PLPPR3: variants seen among roughly 807,000 people sequenced by gnomAD.
PLPPR3 encodes phospholipid phosphatase related 3.
PLPPR3 carries 14 observed loss-of-function variants against 27.3 expected under a neutral mutation model. The observed-to-expected ratio is 0.51, with a 90% CI of 0.34 to 0.80. PLPPR3 has a LOEUF of 0.80. PLPPR3 is among the 30% of genes least tolerant of loss of function. PLPPR3 has a pLI of 0.01. For missense variants in PLPPR3, 1,287 were observed against 1,056.9 expected, an observed-to-expected ratio of 1.22 and a Z score of -3.02; for synonymous variants, 671 against 508.0, an observed-to-expected ratio of 1.32 and a Z score of -4.32.
At position 813,011 on chromosome 19, in the gene PLPPR3, C is replaced by T. The variant is rs2034963024; in HGVS notation, c.1716G>A (p.Pro572=). The T allele has an allele frequency of 6.6e-7, 1 of 1,517,822 alleles. No individual in the cohort carries two copies. Among genetic ancestry groups the T allele is most frequent in the Admixed American group, 2.0e-5 (1 of 50,768 alleles). The allele number at this position is 1,517,822 out of a possible 1,614,324, so 94.0% of individuals were successfully genotyped here. ...CGATGCTGGCGGAGTCGCGGTCCGA[C>T]GGCGACCGGTACTGCGAGGAGTCGG... ...ASSDSSQYRS[P]SDRDSASIVT... The change falls in exon 8 of 8, where the codon CCG becomes CCA. Residue 572 remains proline, a synonymous_variant. Coordinates refer to ENST00000520876, the MANE Select transcript of PLPPR3 (RefSeq NM_001270366.2). The surrounding 1 kb of genome is among the most constrained non-coding windows in gnomAD (Gnocchi z 4.1).
Position 813,525 on chromosome 19 carries a change from G to A in PLPPR3, c.1202C>T (p.Ala401Val). Reference protein sequence around the residue: ...RHMTIHVPLDASRSKQLISEW... With the variant: ...RHMTIHVPLDVSRSKQLISEW... ...GCTGATGAGCTGCTTGGAGCGCGAG[G>A]CGTCCAGCGGCACGTGGATGGTCAT... The change falls in exon 8 of 8, where the codon GCC becomes GTC. Residue 401 changes from alanine (A) to valine (V), a missense_variant. By Grantham distance (64) the Ala-to-Val change is moderately conservative (BLOSUM62 0). Coordinates refer to ENST00000520876, the MANE Select transcript of PLPPR3 (RefSeq NM_001270366.2). This position sits in a 1 kb window ranked among gnomAD's most constrained non-coding sequence, Gnocchi z 4.1. The A allele has an allele frequency of 1.9e-6, 3 of 1,560,286 alleles. No homozygotes were observed. Among genetic ancestry groups the A allele is most frequent in the African/African-American group, 2.7e-5 (2 of 73,618 alleles).
rs1360737788 is a variant in PLPPR3, at chr19:813,155, C to G, written c.1572G>C (p.Glu524Asp). 1.3e-6 allele frequency: 2 copies of G among 1,524,246 alleles called. No homozygotes were observed. The highest frequency in any genetic ancestry group is 2.9e-5 in the African/African-American group (2 of 68,850). 94.4% of individuals were successfully genotyped at this position (1,524,246 alleles called of 1,614,324 possible). Residue 524 changes from glutamate (E) to aspartate (D), a missense_variant, in exon 8 of 8, where the codon GAG (glutamate) becomes GAC (aspartate). By Grantham distance (45) the Glu-to-Asp change is conservative. Transcript: ENST00000520876. This position sits in a 1 kb window ranked among gnomAD's most constrained non-coding sequence, Gnocchi z 4.1. ...GVRAKWLMMA[E>D]KSGAAVANPP... ...GGTTGGCCACTGCCGCCCCGCTCTT[C>G]TCGGCCATCATGAGCCACTTGGCGC...
Position 812,670 on chromosome 19 carries a change from A to G in PLPPR3, c.2057T>C (p.Leu686Pro). 2 of 1,052,366 alleles carry G rather than the reference A, an allele frequency of 1.9e-6. No individual in the cohort carries two copies. The highest frequency in any genetic ancestry group is 2.3e-6 in the Non-Finnish European group (2 of 872,606). The allele number at this position is 1,052,366 out of a possible 1,614,324, so 65.2% of individuals were successfully genotyped here. A position where few individuals can be genotyped will look rare whatever the true frequency, so the allele number is the denominator to read the frequency against. The stretch of plus-strand genomic sequence containing the variant: ...CCCCAGGCCGCCCGCGTGGCGCCGC[A>G]GCGTGGACTCCCGGCTGCCCGGGCC... ...ALGPGSREST[L>P]RRHAGGLGLA... is the part of the protein sequence containing the mutation. Residue 686 changes from leucine to proline, a missense_variant, in exon 8 of 8, where the codon CTG (leucine) becomes CCG (proline). By Grantham distance (98) the Leu-to-Pro change is moderately conservative (BLOSUM62 -3). Transcript: ENST00000520876.
chr19:818,133 A>G (rs2035089952), intron 2 of PLPPR3, among the ~76,000 whole-genome samples: 2 of 152,192 alleles, frequency 1.3e-5, no homozygotes, highest in Non-Finnish European at 2.9e-5. Context: ...CTGTCATCCC[A>G]GCACTTTGGG....
At chr19:822,889 G>C (rs2035169583), upstream of PLPPR3, among the ~76,000 whole-genome samples, 1 of 152,156 alleles carries the variant, frequency 6.6e-6, no homozygotes, top group East Asian at 1.9e-4. Context: ...GGGAGGTCGA[G>C]GCGGGCGGAT....
intron 2 of PLPPR3, among the ~76,000 whole-genome samples, chr19:821,036 G>T (rs939968551): frequency 2.0e-5 from 3 of 152,178 alleles, no homozygotes; most frequent in Admixed American, 1.3e-4. Context: ...ATTCCTATCA[G>T]CTCCAGGAGT....
Position 813,200 on chromosome 19 carries a change from G to T in PLPPR3, c.1527C>A (p.Pro509=). The T allele has an allele frequency of 6.6e-7, 1 of 1,506,884 alleles. No individual in the cohort carries two copies. Among genetic ancestry groups the T allele is most frequent in the Admixed American group, 2.2e-5 (1 of 45,644 alleles). The allele number at this position is 1,506,884 out of a possible 1,614,324, so 93.3% of individuals were successfully genotyped here. A position where few individuals can be genotyped will look rare whatever the true frequency, so the allele number is the denominator to read the frequency against. The part of the protein sequence containing the change: ...EGAQTGAGLS[P]KSGAGVRAKW... The stretch of plus-strand genomic sequence containing the variant: ...TGGCGCGCACCCCGGCGCCGCTTTT[G>T]GGGGACAGGCCGGCCCCCGTCTGCG... The change falls in exon 8 of 8, where the codon CCC becomes CCA. Residue 509 remains proline (P), a synonymous_variant. Coordinates refer to ENST00000520876, the MANE Select transcript of PLPPR3 (RefSeq NM_001270366.2). This position sits in a 1 kb window ranked among gnomAD's most constrained non-coding sequence, Gnocchi z 4.1.
At chr19:817,576 G>A (rs1056483812) in intron 2 of PLPPR3, among the ~76,000 whole-genome samples, 6 of 152,198 alleles carry the variant, frequency 3.9e-5, no homozygotes, top group African/African-American at 1.4e-4. Flanking sequence ...GCTCAGGCAT[G>A]GCCCCAGTCG....
Position 815,786 on chromosome 19 carries a change from C to T in PLPPR3, c.141G>A (p.Pro47=), listed in dbSNP as rs146348042. The change falls in exon 3 of 8, where the codon CCG becomes CCA. Residue 47 remains proline (P), a synonymous_variant. Coordinates refer to ENST00000520876, the MANE Select transcript of PLPPR3 (RefSeq NM_001270366.2). ...CATAGCACTGGAAGCCCACCTTGGCCGGCTTGAAGAGGTCGGTCAGCTCCA... is the reference window on the plus strand; with the variant it reads ...CATAGCACTGGAAGCCCACCTTGGCTGGCTTGAAGAGGTCGGTCAGCTCCA... ...YFLELTDLFK[P]AKVGFQCYDR... 1.2e-4 allele frequency: 198 copies of T among 1,612,818 alleles called. 1 individual carries two copies. Among genetic ancestry groups the T allele is most frequent in the African/African-American group, 1.2e-3 (87 of 75,030 alleles).
At position 813,671 on chromosome 19, in the gene PLPPR3, G is replaced by A. The variant is rs1410846216; in HGVS notation, c.1056C>T (p.Ala352=). The part of the protein sequence containing the change: ...EKTSLGSLKR[A]SVDVDLLAPR... ...GGGCCAGCAGGTCCACGTCCACGCT[G>A]GCGCGCTTCAGGCTGCCCAGCGAGG... The change falls in exon 8 of 8, where the codon GCC becomes GCT. Residue 352 remains alanine, a synonymous_variant. Coordinates refer to ENST00000520876, the MANE Select transcript of PLPPR3 (RefSeq NM_001270366.2). This position sits in a 1 kb window ranked among gnomAD's most constrained non-coding sequence, Gnocchi z 4.1. The A allele has an allele frequency of 3.5e-5, 53 of 1,534,662 alleles. No individual in the cohort carries two copies. Among genetic ancestry groups the A allele is most frequent in the Non-Finnish European group, 4.4e-5 (50 of 1,144,804 alleles).
chr19:818,481 A>C (rs1157883434), intron 2 of PLPPR3, among the ~76,000 whole-genome samples: 1 of 152,016 alleles, frequency 6.6e-6, no homozygotes, highest in Non-Finnish European at 1.5e-5. Context: ...CAGGAAGATC[A>C]CTTGAGGCCT....
chr19:823,521 G>T (rs2035180434), upstream of PLPPR3, among the ~76,000 whole-genome samples: 1 of 151,724 alleles, frequency 6.6e-6, no homozygotes, highest in African/African-American at 2.4e-5. Flanking sequence ...CTCATAACAG[G>T]CACTGCTGCC....
Position 815,650 on chromosome 19 carries a change from C to G in PLPPR3, c.261+16G>C. 6.4e-7 allele frequency: 1 copy of G among 1,561,884 alleles called. No homozygotes were observed. On this transcript the variant is annotated intron_variant, in intron 3 of 7. Transcript: ENST00000520876. ...GGTGCCCACAGGCTGGCACAGGCCC[C>G]GGTGCAGGTGCTCACCGAGGCGGCA...
chr19:819,296 T>TC (rs1555703231), intron 2 of PLPPR3, among the ~76,000 whole-genome samples: 2 of 136,000 alleles, frequency 1.5e-5, no homozygotes, highest in Non-Finnish European at 3.1e-5. Flanking sequence ...TTTTTTTTTT[T>TC]CCGAGATGGA....
rs2035015077 is a variant in PLPPR3 at position 814,474 on chromosome 19, T to C, written c.791A>G (p.Tyr264Cys). 4.4e-6 allele frequency: 7 copies of C among 1,608,854 alleles called. No individual in the cohort carries two copies. Among genetic ancestry groups the C allele is most frequent in the East Asian group, 2.2e-5 (1 of 44,834 alleles). ...TQYRSHPVDV[Y>C]AGFLIGAGIA... is the part of the protein sequence containing the mutation. ...GCCCGCCCCGATGAGGAAGCCGGCA[T>C]ACACGTCCACAGGGTGGCTGCGGTA... Residue 264 changes from tyrosine (Y) to cysteine (C), a missense_variant, in exon 7 of 8, where the codon TAT (tyrosine) becomes TGT (cysteine). Transcript: ENST00000520876.
Position 813,404 on chromosome 19 carries a change from C to A in PLPPR3, c.1323G>T (p.Glu441Asp). The change falls in exon 8 of 8, where the codon GAG (glutamate) becomes GAT (aspartate). Residue 441 changes from glutamate (E) to aspartate (D), a missense_variant. Transcript: ENST00000520876. The surrounding 1 kb of genome is among the most constrained non-coding windows in gnomAD (Gnocchi z 4.1). ...CTTCGTCCTCCTCCTCTTCCTCCTC[C>A]TCCGCCATGGGTTCGGCGGGCGCGC... ...HLRAPAEPMA[E>D]EEEEEEDEEE... 2 of 1,504,508 alleles carry A rather than the reference C, an allele frequency of 1.3e-6. No homozygotes were observed. The highest frequency in any genetic ancestry group is 1.8e-6 in the Non-Finnish European group (2 of 1,134,506). The allele number at this position is 1,504,508 out of a possible 1,614,324, so 93.2% of individuals were successfully genotyped here.
intron 2 of PLPPR3, among the ~76,000 whole-genome samples, chr19:820,554 C>G (rs1172390985): frequency 3.3e-5 from 5 of 149,810 alleles, no homozygotes. Context: ...GGGCCTTGCT[C>G]TGTTGCCCAG....
Position 813,059 on chromosome 19 carries a change from C to A in PLPPR3, c.1668G>T (p.Thr556=). 1.3e-6 allele frequency: 2 copies of A among 1,500,760 alleles called. No homozygotes were observed. The highest frequency in any genetic ancestry group is 1.8e-6 in the Non-Finnish European group (2 of 1,135,314). 93.0% of individuals were successfully genotyped at this position (1,500,760 alleles called of 1,614,324 possible). A position where few individuals can be genotyped will look rare whatever the true frequency, so the allele number is the denominator to read the frequency against. Residue 556 remains threonine (T), a synonymous_variant, in exon 8 of 8, where the codon ACG becomes ACT. Transcript: ENST00000520876. The surrounding 1 kb of genome is among the most constrained non-coding windows in gnomAD (Gnocchi z 4.1). ...CGGAGCTGGCGCTGGACGACGACGC[C>A]GTCTCGGCCGCCTTGGGGCCCGGCG... ...PGAPGPKAAE[T]ASSSSASSDS...
At chr19:821,407 G>C in intron 2 of PLPPR3, 78 bp downstream of exon 2, 2 of 1,330,068 alleles carry the variant, frequency 1.5e-6, no homozygotes, top group Non-Finnish European at 2.0e-6. Context: ...CGCCGGCTCC[G>C]GTCCCCCAGC....
Sources: allele counts gnomAD v4.1 joint callset (sites outside exome capture counted in the v4.1 genomes callset), GRCh38; gene constraint gnomAD v4.1.1; non-coding constraint Gnocchi (gnomAD v3.1); transcripts MANE v1.5; gene names NCBI Gene and HGNC (gene_info 2026-07-23, HGNC 2026-07-21).